Variants in RAP1GAP2 observed in about 807,000 individuals in gnomAD.
RAP1GAP2 encodes rap1 GTPase-activating protein 2.
Under a neutral mutation model 95.0 loss-of-function variants are expected in RAP1GAP2, and 27 were observed. The observed-to-expected ratio is 0.28, with a 90% CI of 0.21 to 0.39. The LOEUF (loss-of-function observed/expected upper bound fraction) is 0.39, where lower values mean the gene tolerates loss of function less well. Among genes scored for constraint, RAP1GAP2 ranks in the 10% least tolerant of loss-of-function variants. The pLI, the probability that RAP1GAP2 is intolerant of heterozygous loss-of-function variation, is 1.00. For synonymous variants in RAP1GAP2, 373 were observed against 380.9 expected (o/e 0.98, Z 0.24); for missense variants, 771 against 970.0 (o/e 0.79, Z 2.72).
At chr17:2,840,946 C>T (rs1024154705) in intron 2 of RAP1GAP2, among the ~76,000 whole-genome samples, 1 of 151,880 alleles carries the variant, frequency 6.6e-6, no homozygotes, top group Non-Finnish European at 1.5e-5. Flanking sequence ...TGCAGTGAGC[C>T]GAGATTGCGC....
chr17:2,895,136 G>T (rs2073847861), intron 2 of RAP1GAP2, among the ~76,000 whole-genome samples: 1 of 152,212 alleles, frequency 6.6e-6, no homozygotes, highest in Non-Finnish European at 1.5e-5. Context: ...GTTTCAGAAG[G>T]CACCTTTACG....
Position 2,768,537 on chromosome 17 carries a change from C to T in RAP1GAP2, c.51-1792C>T, listed in dbSNP as rs183706271. 5.4e-3 allele frequency among the ~76,000 whole-genome samples: 826 copies of T among 151,868 alleles called. 5 individuals carry two copies. Among genetic ancestry groups the T allele is most frequent in the African/African-American group, 0.019 (787 of 41,450 alleles). On this transcript the variant is annotated intron_variant, in intron 1 of 25. Coordinates refer to the RAP1GAP2 transcript ENST00000637138. ...TGAAACCCCATCTCTACTAAAAATA[C>T]AAAAATTAGCTGGGCATGGTGGTGG...
At chr17:2,971,248 A>G (rs936140775) in intron 8 of RAP1GAP2, among the ~76,000 whole-genome samples, 11 of 152,360 alleles carry the variant, frequency 7.2e-5, no homozygotes, top group African/African-American at 2.6e-4. Flanking sequence ...ATTTAAAAAA[A>G]CCACTAAACC....
At chr17:2,764,730 T>A (rs540081505) in intron 1 of RAP1GAP2, among the ~76,000 whole-genome samples, 10 of 151,910 alleles carry the variant, frequency 6.6e-5, no homozygotes, top group East Asian at 1.9e-4. Flanking sequence ...CAAAAATAAA[T>A]AAATAAAAAA....
intron 2 of RAP1GAP2, among the ~76,000 whole-genome samples, chr17:2,826,485 G>A (rs1204321116): frequency 6.6e-6 from 1 of 152,068 alleles, no homozygotes; most frequent in African/African-American, 2.4e-5. Context: ...GCGAGATGAC[G>A]GGTGCCCTGG....
chr17:2,970,291 A>AT (rs1373374435), intron 8 of RAP1GAP2, among the ~76,000 whole-genome samples: 4,456 of 137,552 alleles, frequency 0.032, 186 homozygotes, highest in African/African-American at 0.12. Context: ...AAAAAAAAAA[A>AT]AAAAATAATA....
chr17:2,946,074 A>G (rs534832945), intron 3 of RAP1GAP2, among the ~76,000 whole-genome samples: 1 of 152,286 alleles, frequency 6.6e-6, no homozygotes, highest in South Asian at 2.1e-4. Flanking sequence ...TACAGGTGTG[A>G]GCCACCGTGC....
At chr17:2,895,497 G>A (rs1300886272) in intron 2 of RAP1GAP2, among the ~76,000 whole-genome samples, 3 of 152,140 alleles carry the variant, frequency 2.0e-5, no homozygotes, top group Admixed American at 2.0e-4. Flanking sequence ...AGTGGATTGT[G>A]GTATTAAATA....
intron 17 of RAP1GAP2, among the ~76,000 whole-genome samples, chr17:3,013,813 T>C (rs1183484248): frequency 6.6e-6 from 1 of 152,084 alleles, no homozygotes; most frequent in Admixed American, 6.5e-5. Flanking sequence ...ACCTGCTATG[T>C]GGGCTTGGGC....
At chr17:2,928,596 C>T (rs1459431307) in intron 3 of RAP1GAP2, among the ~76,000 whole-genome samples, 2 of 152,190 alleles carry the variant, frequency 1.3e-5, no homozygotes, top group South Asian at 2.1e-4. Context: ...GGTCAGATAG[C>T]GTTGCCTGGC....
chr17:2,799,809 G>A (rs2151477905), intron 1 of RAP1GAP2, among the ~76,000 whole-genome samples: 1 of 152,298 alleles, frequency 6.6e-6, no homozygotes, highest in Non-Finnish European at 1.5e-5. Flanking sequence ...CCAGCCATAA[G>A]GGCTGGCATA....
upstream of RAP1GAP2, among the ~76,000 whole-genome samples, chr17:2,792,496 C>T (rs969015246): frequency 2.0e-5 from 3 of 152,288 alleles, no homozygotes; most frequent in African/African-American, 7.2e-5. Flanking sequence ...GGGAAAGGCC[C>T]TAGGAAGACT....
At chr17:2,758,770 G>GA (rs1184865202) in intron 1 of RAP1GAP2, among the ~76,000 whole-genome samples, 1 of 152,120 alleles carries the variant, frequency 6.6e-6, no homozygotes, top group African/African-American at 2.4e-5. Context: ...TAGCTTCAAA[G>GA]AAAAAGGGAA....
chr17:2,820,446 C>T (rs907145527), intron 2 of RAP1GAP2, among the ~76,000 whole-genome samples: 2 of 151,992 alleles, frequency 1.3e-5, no homozygotes, highest in Non-Finnish European at 2.9e-5. Context: ...CATGGCAAAA[C>T]CCCGTCTCTA....
chr17:2,918,913 A>G lies in RAP1GAP2; in HGVS notation c.165+13545A>G, dbSNP rs563483224. Among the ~76,000 whole-genome samples the G allele has an allele frequency of 2.3e-3, 352 of 152,352 alleles. 3 individuals are homozygous for G. Among genetic ancestry groups the G allele is most frequent in the South Asian group, 0.012 (56 of 4,828 alleles). ...AAAACAGAGGTATGCAGTAAGTGCTACATAAATATTAGTCATTATTATTCC... is the reference window on the plus strand; with the variant it reads ...AAAACAGAGGTATGCAGTAAGTGCTGCATAAATATTAGTCATTATTATTCC... On this transcript the variant is annotated intron_variant, in intron 3 of 24. Transcript: ENST00000254695.
In RAP1GAP2 at chr17:2,995,448, C is replaced by T. The variant is rs530398634; in HGVS notation, c.1026C>T (p.Thr342=). The change falls in exon 13 of 25, where the codon ACC becomes ACT. Residue 342 remains threonine, a synonymous_variant. Transcript: ENST00000254695. ...MFHVSTKLPF[T]DGDAQQLQRK... is the part of the protein sequence containing the mutation. Reference sequence around the variant, plus strand: ...ACGTTTCCACAAAGCTGCCATTTACCGACGGAGACGCCCAGCAGGTAACCT... The same window carrying T: ...ACGTTTCCACAAAGCTGCCATTTACTGACGGAGACGCCCAGCAGGTAACCT... 31 of 1,613,836 alleles carry T rather than the reference C, an allele frequency of 1.9e-5. No individual in the cohort carries two copies. In the African/African-American group the frequency reaches 2.0e-4, roughly 10 times the overall value.
At chr17:2,894,210 C>T (rs2073814033) in intron 2 of RAP1GAP2, among the ~76,000 whole-genome samples, 1 of 152,236 alleles carries the variant, frequency 6.6e-6, no homozygotes, top group South Asian at 2.1e-4. Flanking sequence ...AGGCAGATCA[C>T]CTGAGGTCAA....
intron 2 of RAP1GAP2, among the ~76,000 whole-genome samples, chr17:2,882,431 A>C (rs1335666556): frequency 6.6e-6 from 1 of 151,910 alleles, no homozygotes; most frequent in African/African-American, 2.4e-5. Flanking sequence ...AGCTGGGGTT[A>C]CAGGCACGCG....
chr17:2,805,584 G>A (rs1398378403), intron 2 of RAP1GAP2, among the ~76,000 whole-genome samples: 1 of 151,898 alleles, frequency 6.6e-6, no homozygotes, highest in East Asian at 1.9e-4. Flanking sequence ...TGTTGGCCAG[G>A]CTGATCTCGA....
Sources: gnomAD v4.1 joint callset for allele counts (sites outside exome capture counted in the v4.1 genomes callset) on GRCh38, gnomAD v4.1.1 for gene constraint, MANE v1.5 for transcripts, NCBI Gene and HGNC (gene_info 2026-07-23, HGNC 2026-07-21) for gene names.